The following RPS6KA1 variants were observed in gnomAD, a reference collection of about 807,000 sequenced individuals.
RPS6KA1 encodes ribosomal protein S6 kinase alpha-1.
A neutral mutation model predicts 91.3 loss-of-function variants in RPS6KA1; 48 were observed. That is an observed-to-expected ratio of 0.53 (90% confidence interval 0.42 to 0.67). The LOEUF is 0.67. Ranked by LOEUF, RPS6KA1 falls within the 30% of genes least tolerant of loss-of-function variation. The pLI, the probability that RPS6KA1 is intolerant of heterozygous loss-of-function variation, is 0.00. For missense variants in RPS6KA1, 719 were observed against 960.5 expected (o/e 0.75, Z 3.32); for synonymous variants, 359 against 384.7 (o/e 0.93, Z 0.78).
intron 17 of RPS6KA1, among the ~76,000 whole-genome samples, chr1:26,568,768 T>TA (rs956045540): frequency 5.3e-5 from 8 of 151,556 alleles, no homozygotes; most frequent in African/African-American, 1.2e-4. Flanking sequence ...TAAATTAATT[T>TA]AAAAAAAAGG....
intron 1 of RPS6KA1, among the ~76,000 whole-genome samples, chr1:26,530,401 C>G (rs2075859208): frequency 1.3e-5 from 2 of 152,206 alleles, no homozygotes; most frequent in Admixed American, 1.3e-4. Context: ...GCCAAGAGCT[C>G]CCTGCTTCTG....
At chr1:26,572,438 T>G in intron 20 of RPS6KA1, 145 bp downstream of exon 20, 1 of 631,380 alleles carries the variant, frequency 1.6e-6, no homozygotes, top group Non-Finnish European at 2.9e-6. Context: ...AAGCGGAAGA[T>G]TCCCAGGCAG....
intron 4 of RPS6KA1, among the ~76,000 whole-genome samples, chr1:26,549,010 G>A (rs777516218): frequency 6.6e-6 from 1 of 151,178 alleles, no homozygotes; most frequent in African/African-American, 2.4e-5. Flanking sequence ...TCCTGAACAA[G>A]ACTCCGGAAA....
chr1:26,572,322 T>C, intron 20 of RPS6KA1, 29 bp downstream of exon 20: 1 of 1,506,636 alleles, frequency 6.6e-7, no homozygotes, highest in Non-Finnish European at 9.2e-7. Flanking sequence ...CGTGGGCTTA[T>C]TTGGAGGAGG....
chr1:26,561,652 C>A lies in RPS6KA1; in HGVS notation c.1579C>A (p.His527Asn). ...CATTGGCAAAACTGTGGAGTATCTG[C>A]ACTCACAGGGGGTGAGTCTGGATTC... is the stretch of plus-strand genomic sequence containing the variant. ...HTIGKTVEYL[H>N]SQGVVHRDLK... Residue 527 changes from histidine to asparagine, a missense_variant, in exon 17 of 22, where the codon CAC (histidine) becomes AAC (asparagine). Physicochemically the swap from His to Asn is moderately conservative, Grantham distance 68 (BLOSUM62 1). This residue lies in a region of RPS6KA1 where 249 missense variants were observed against 323.1 expected (regional missense o/e 0.77). Coordinates refer to ENST00000374168, the MANE Select transcript of RPS6KA1 (RefSeq NM_002953.4). This position sits in a 1 kb window ranked among gnomAD's most constrained non-coding sequence, Gnocchi z 5.7. 1 of 1,606,522 alleles carries A rather than the reference C, an allele frequency of 6.2e-7. No homozygotes were observed. The highest frequency in any genetic ancestry group is 8.5e-7 in the Non-Finnish European group (1 of 1,175,694).
Position 26,531,072 on chromosome 1 carries a change from T to C in RPS6KA1, c.63+1089T>C, listed in dbSNP as rs373226333. 428 of 244,808 alleles carry C rather than the reference T, an allele frequency of 1.7e-3. 2 individuals carry two copies. Among genetic ancestry groups the C allele is most frequent in the African/African-American group, 9.5e-3 (419 of 44,166 alleles). 15.2% of individuals were successfully genotyped at this position (244,808 alleles called of 1,614,324 possible). On this transcript the variant is annotated intron_variant, in intron 1 of 21. Transcript: ENST00000374168. ...GGGCAGCCACCAAGTGTCCTGCCTC[T>C]CAGGACCACAGGCTTAGATCAGGGT...
chr1:26,539,043 G>A (rs2075927171), intron 2 of RPS6KA1, among the ~76,000 whole-genome samples: 1 of 152,222 alleles, frequency 6.6e-6, no homozygotes, highest in African/African-American at 2.4e-5. Flanking sequence ...CAATCTTTGG[G>A]CAGAGGGTAG....
At position 26,558,330 on chromosome 1, in the gene RPS6KA1, A is replaced by G. The variant is rs2076123901; in HGVS notation, c.1085-477A>G. 6.6e-6 allele frequency among the ~76,000 whole-genome samples: 1 copy of G among 152,302 alleles called. No individual in the cohort carries two copies. On this transcript the variant is annotated intron_variant, in intron 13 of 21. Coordinates refer to ENST00000374168, the MANE Select transcript of RPS6KA1 (RefSeq NM_002953.4). The surrounding 1 kb of genome is among the most constrained non-coding windows in gnomAD (Gnocchi z 4.0). ...CCTCTAAGGATCTGAGAAGTCCAAC[A>G]TGGCTCAGCTGTGGTATGGAGAGAG...
At chr1:26,565,611 A>T (rs2076193439) in intron 17 of RPS6KA1, among the ~76,000 whole-genome samples, 1 of 148,732 alleles carries the variant, frequency 6.7e-6, no homozygotes. Flanking sequence ...CCCAGGCTGG[A>T]GTGCAATGGC....
Position 26,540,724 on chromosome 1 carries a change from C to A in RPS6KA1, c.108+3755C>A, listed in dbSNP as rs1037876503. On this transcript the variant is annotated intron_variant, in intron 2 of 21. Coordinates refer to ENST00000374168, the MANE Select transcript of RPS6KA1 (RefSeq NM_002953.4). The surrounding 1 kb of genome is among the most constrained non-coding windows in gnomAD (Gnocchi z 4.2). Reference sequence around the variant, plus strand: ...CGGAGTAGCTGGGACTACAGGCGCACGCCACTATGCCCAGCCAGGAGTTCA... The same window carrying A: ...CGGAGTAGCTGGGACTACAGGCGCAAGCCACTATGCCCAGCCAGGAGTTCA... Among the ~76,000 whole-genome samples, 1 of 152,240 alleles carries A rather than the reference C, an allele frequency of 6.6e-6. No homozygotes were observed. The highest frequency in any genetic ancestry group is 1.9e-4 in the East Asian group (1 of 5,166).
chr1:26,532,687 G>A (rs903921203), intron 1 of RPS6KA1, among the ~76,000 whole-genome samples: 15 of 152,252 alleles, frequency 9.9e-5, no homozygotes, highest in African/African-American at 2.7e-4. Context: ...TGTGGGGCAC[G>A]TGCTGTCCTT....
chr1:26,567,370 T>TTTG (rs371175003), intron 17 of RPS6KA1, among the ~76,000 whole-genome samples: 3 of 151,586 alleles, frequency 2.0e-5, no homozygotes, highest in Admixed American at 6.6e-5. Context: ...TCTAGGGTTT[T>TTTG]TTGTTGTTGT....
chr1:26,570,958 A>C (rs1371407216), intron 17 of RPS6KA1, among the ~76,000 whole-genome samples: 1 of 152,126 alleles, frequency 6.6e-6, no homozygotes, highest in Non-Finnish European at 1.5e-5. Flanking sequence ...CCCCATCTCT[A>C]CTAAAAATAC....
Position 26,561,264 on chromosome 1 carries a change from G to A in RPS6KA1, c.1431+130G>A, listed in dbSNP as rs1026442732. ...ATGTGGAGGGGAAGGAGGTCCCTTG[G>A]TCCCTTCAGTCTGCCCATACCCCAA... On this transcript the variant is annotated intron_variant, in intron 16 of 21. Coordinates refer to ENST00000374168, the MANE Select transcript of RPS6KA1 (RefSeq NM_002953.4). This position sits in a 1 kb window ranked among gnomAD's most constrained non-coding sequence, Gnocchi z 5.7. 8.2e-6 allele frequency: 8 copies of A among 971,812 alleles called. No individual in the cohort carries two copies. In the Admixed American group the frequency reaches 1.1e-4, roughly 13 times the overall value. 60.2% of individuals were successfully genotyped at this position (971,812 alleles called of 1,614,324 possible). A position where few individuals can be genotyped will look rare whatever the true frequency, so the allele number is the denominator to read the frequency against.
intron 6 of RPS6KA1, 104 bp from the exon 7 acceptor site, chr1:26,553,287 C>A: frequency 1.4e-6 from 1 of 710,294 alleles, no homozygotes; most frequent in Non-Finnish European, 2.5e-6. Context: ...TTCCAAGGGT[C>A]CTCCCAGGGT....
intron 2 of RPS6KA1, chr1:26,545,863 G>T: frequency 1.3e-6 from 2 of 1,542,140 alleles, no homozygotes; most frequent in Non-Finnish European, 1.7e-6. Flanking sequence ...CCCGGACTCT[G>T]CCTGCTCCTG....
At position 26,551,303 on chromosome 1, in the gene RPS6KA1, A is replaced by C. The variant is rs2076047263; in HGVS notation, c.308-94A>C. 3 of 1,108,460 alleles carry C rather than the reference A, an allele frequency of 2.7e-6. No homozygotes were observed. Among genetic ancestry groups the C allele is most frequent in the African/African-American group, 3.1e-5 (2 of 65,156 alleles). 68.7% of individuals were successfully genotyped at this position (1,108,460 alleles called of 1,614,324 possible). ...GGGGGCTTTGGGAGCTCAGGCCTGG[A>C]GGAACAAGTGGAAAAGAGATCCCTT... is the stretch of plus-strand genomic sequence containing the variant. On this transcript the variant is annotated intron_variant, in intron 4 of 21. Coordinates refer to ENST00000374168, the MANE Select transcript of RPS6KA1 (RefSeq NM_002953.4). This position sits in a 1 kb window ranked among gnomAD's most constrained non-coding sequence, Gnocchi z 4.5.
rs564471109 is a variant in RPS6KA1, at chr1:26,565,274, A to T, written c.1590+3611A>T. On this transcript the variant is annotated intron_variant, in intron 17 of 21. Transcript: ENST00000374168. ...CTGGGAATCCCACAGGAGCTGAGGGATGGGAAGGGGATGACCAGGGAGCAG... is the reference window on the plus strand; with the variant it reads ...CTGGGAATCCCACAGGAGCTGAGGGTTGGGAAGGGGATGACCAGGGAGCAG... Among the ~76,000 whole-genome samples the T allele has an allele frequency of 2.0e-5, 3 of 152,220 alleles. No individual in the cohort carries two copies. The East Asian group carries it at 5.8e-4, about 29-fold the overall frequency.
At position 26,545,847 on chromosome 1, in the gene RPS6KA1, G is replaced by A. The variant is rs906976542; in HGVS notation, c.109-1020G>A. ...CCGCCTTGGTCCCGGCCACCACTGC[G>A]GCAGCCCCGGACTCTGCCTGCTCCT... On this transcript the variant is annotated intron_variant, in intron 2 of 21. Transcript: ENST00000374168. 39 of 1,501,052 alleles carry A rather than the reference G, an allele frequency of 2.6e-5. No individual in the cohort carries two copies. In the East Asian group the frequency reaches 3.7e-4, roughly 14 times the overall value. 93.0% of individuals were successfully genotyped at this position (1,501,052 alleles called of 1,614,324 possible). A position where few individuals can be genotyped will look rare whatever the true frequency, so the allele number is the denominator to read the frequency against.
Sources: allele counts gnomAD v4.1 joint callset (sites outside exome capture counted in the v4.1 genomes callset), GRCh38; gene constraint gnomAD v4.1.1; regional missense constraint gnomAD v4.1.1; non-coding constraint Gnocchi (gnomAD v3.1); transcripts MANE v1.5; gene names NCBI Gene and HGNC (gene_info 2026-07-23, HGNC 2026-07-21).